Variants in NOL4 observed in about 807,000 individuals in gnomAD.
NOL4 encodes the protein nucleolar protein 4.
A neutral mutation model predicts 75.9 loss-of-function variants in NOL4; 17 were observed. The ratio of observed to expected loss-of-function variants is 0.22; its 90% confidence interval spans 0.15 to 0.34. NOL4 has a LOEUF of 0.34. Ranked by LOEUF, NOL4 falls within the 10% of genes least tolerant of loss-of-function variation. NOL4 has a pLI of 1.00. For synonymous variants in NOL4, 292 were observed against 289.9 expected (o/e 1.01, Z -0.07); for missense variants, 614 against 793.5 (o/e 0.77, Z 2.72).
intron 1 of NOL4, among the ~76,000 whole-genome samples, chr18:34,139,343 A>C (rs985378183): frequency 2.0e-5 from 3 of 152,024 alleles, no homozygotes. Context: ...TAATTATTGC[A>C]TCAATTTCAG....
At chr18:34,192,056 T>C (rs1012508457) in intron 1 of NOL4, among the ~76,000 whole-genome samples, 3 of 152,178 alleles carry the variant, frequency 2.0e-5, no homozygotes, top group African/African-American at 7.2e-5. Context: ...CTCTCCACTA[T>C]GTCAGGATTG....
chr18:34,096,179 T>C (rs1010816051), intron 4 of NOL4, among the ~76,000 whole-genome samples: 2 of 152,036 alleles, frequency 1.3e-5, no homozygotes, highest in Non-Finnish European at 2.9e-5. Flanking sequence ...TGTAACCAAA[T>C]GTATACTTAT....
intron 9 of NOL4, among the ~76,000 whole-genome samples, chr18:33,932,608 G>A (rs1351296562): frequency 1.3e-5 from 2 of 151,976 alleles, no homozygotes; most frequent in Admixed American, 6.6e-5. Flanking sequence ...TTTAAAAAAT[G>A]AGGTGGTGGA....
chr18:34,147,655 A>G (rs1031878295), intron 1 of NOL4, among the ~76,000 whole-genome samples: 1 of 152,084 alleles, frequency 6.6e-6, no homozygotes, highest in Non-Finnish European at 1.5e-5. Context: ...AATGTTTATA[A>G]TGGATATTGG....
At chr18:33,894,194 TTCATAGA>T (rs1292502973) in intron 9 of NOL4, among the ~76,000 whole-genome samples, 17 of 152,034 alleles carry the variant, frequency 1.1e-4, no homozygotes, top group Non-Finnish European at 1.5e-5. Context: ...TCCAGGAAAA[TTCATAGA>T]AATTCTGCGA....
chr18:34,105,674 A>G (rs894870150), intron 2 of NOL4, among the ~76,000 whole-genome samples: 1 of 152,006 alleles, frequency 6.6e-6, no homozygotes, highest in Non-Finnish European at 1.5e-5. Context: ...ACTTATGTAT[A>G]TATTTACTGC....
chr18:33,920,396 C>T (rs2066964021), intron 9 of NOL4, among the ~76,000 whole-genome samples: 1 of 152,160 alleles, frequency 6.6e-6, no homozygotes, highest in African/African-American at 2.4e-5. Context: ...TCTGTAAATA[C>T]ACTTTAAATT....
intron 1 of NOL4, among the ~76,000 whole-genome samples, chr18:34,151,006 A>G (rs1298151121): frequency 6.6e-6 from 1 of 151,886 alleles, no homozygotes; most frequent in Non-Finnish European, 1.5e-5. Flanking sequence ...TGCAAATTAA[A>G]AGAATGAGAT....
At chr18:34,212,102 A>G (rs1023354103) in intron 1 of NOL4, among the ~76,000 whole-genome samples, 1 of 152,192 alleles carries the variant, frequency 6.6e-6, no homozygotes, top group African/African-American at 2.4e-5. Flanking sequence ...GTCTTTCTCC[A>G]TCCTACTGCT....
chr18:34,157,759 G>C (rs1032897944), intron 1 of NOL4, among the ~76,000 whole-genome samples: 5 of 152,142 alleles, frequency 3.3e-5, no homozygotes, highest in Non-Finnish European at 5.9e-5. Context: ...GTTAGATCAA[G>C]AGCGTCAAAT....
intron 2 of NOL4, among the ~76,000 whole-genome samples, chr18:34,127,359 C>T (rs920254559): frequency 6.6e-6 from 1 of 151,730 alleles, no homozygotes; most frequent in Non-Finnish European, 1.5e-5. Context: ...CAGTATGATA[C>T]ACTTTAATGA....
At chr18:34,151,531 G>A (rs896837365) in intron 1 of NOL4, among the ~76,000 whole-genome samples, 3 of 151,892 alleles carry the variant, frequency 2.0e-5, no homozygotes, top group African/African-American at 7.2e-5. Context: ...AAAAAGATCA[G>A]TGGTTGCCAG....
chr18:33,873,914 A>C (rs1282143201), intron 10 of NOL4, among the ~76,000 whole-genome samples: 1 of 151,984 alleles, frequency 6.6e-6, no homozygotes, highest in African/African-American at 2.4e-5. Context: ...CAGAAACGGT[A>C]TCTTAGGGAA....
chr18:34,189,650 T>A (rs1348497094), intron 1 of NOL4, among the ~76,000 whole-genome samples: 2 of 152,210 alleles, frequency 1.3e-5, no homozygotes, highest in East Asian at 3.8e-4. Context: ...ATTTTAAGAC[T>A]ATATTCCACC....
At position 33,851,891 on chromosome 18, in the gene NOL4, T is replaced by C. The variant is rs921429156; in HGVS notation, c.*951A>G. Reference sequence around the variant, plus strand: ...ACACACAAGAGTGCAAATTTTCAGATTGTCACTTGCAACCTCTTAACATTC... The same window carrying C: ...ACACACAAGAGTGCAAATTTTCAGACTGTCACTTGCAACCTCTTAACATTC... On this transcript the variant is annotated 3_prime_UTR_variant, in exon 11 of 11. Transcript: ENST00000261592. The C allele has an allele frequency of 7.9e-5, 12 of 152,516 alleles. No homozygotes were observed. Among genetic ancestry groups the C allele is most frequent in the Admixed American group, 2.0e-4 (3 of 15,250 alleles). The allele number at this position is 152,516 out of a possible 1,614,324, so 9.4% of individuals were successfully genotyped here.
intron 9 of NOL4, among the ~76,000 whole-genome samples, chr18:33,905,322 G>C (rs1158311756): frequency 1.3e-5 from 2 of 152,076 alleles, no homozygotes; most frequent in Non-Finnish European, 2.9e-5. Flanking sequence ...GTTGCCAAGT[G>C]AATGGGACTG....
At chr18:34,080,387 T>C (rs1355253001) in intron 5 of NOL4, among the ~76,000 whole-genome samples, 1 of 152,188 alleles carries the variant, frequency 6.6e-6, no homozygotes, top group Admixed American at 6.6e-5. Context: ...CAGCCCTGCA[T>C]ATAGTTCTGG....
chr18:34,049,705 G>T (rs963105217), intron 5 of NOL4, among the ~76,000 whole-genome samples: 3 of 151,964 alleles, frequency 2.0e-5, no homozygotes, highest in Non-Finnish European at 2.9e-5. Context: ...ATCTATTCCT[G>T]CATACCACCC....
intron 2 of NOL4, 50 bp downstream of exon 2, chr18:34,129,818 CATA>C (rs987729451): frequency 5.3e-5 from 78 of 1,471,444 alleles, no homozygotes; most frequent in Non-Finnish European, 6.7e-5. Flanking sequence ...AACAAGGATA[CATA>C]ATATCAAGTC....
Sources: allele counts gnomAD v4.1 joint callset (sites outside exome capture counted in the v4.1 genomes callset), GRCh38; gene constraint gnomAD v4.1.1; transcripts MANE v1.5; gene names NCBI Gene and HGNC (gene_info 2026-07-23, HGNC 2026-07-21).